Variants in TRIO observed in about 807,000 individuals in gnomAD.
TRIO encodes the protein trio Rho guanine nucleotide exchange factor, also known as triple functional domain protein.
A neutral mutation model predicts 351.9 loss-of-function variants in TRIO; 58 were observed. The observed-to-expected ratio is 0.16, with a 90% CI of 0.13 to 0.21. The LOEUF (loss-of-function observed/expected upper bound fraction) is 0.21. TRIO is among the 10% of genes least tolerant of loss of function. TRIO has a pLI of 1.00. For synonymous variants in TRIO, 1,758 were observed against 1,595.7 expected, an observed-to-expected ratio of 1.10 and a Z score of -2.42; for missense variants, 3,201 against 4,027.8, an observed-to-expected ratio of 0.79 and a Z score of 5.56.
At chr5:14,501,331 C>T (rs371452729) in intron 53 of TRIO, among the ~76,000 whole-genome samples, 5 of 152,328 alleles carry the variant, frequency 3.3e-5, no homozygotes, top group African/African-American at 7.2e-5. Flanking sequence ...CAGAACAAAA[C>T]GTAGCCTTTG....
chr5:14,262,681 G>C (rs1237774314), intron 1 of TRIO, among the ~76,000 whole-genome samples: 3 of 152,100 alleles, frequency 2.0e-5, no homozygotes, highest in Non-Finnish European at 4.4e-5. Flanking sequence ...ACAACTCCTT[G>C]TTTCATGGAG....
rs776330692 is a variant in TRIO, at chr5:14,481,251, C to T, written c.6354C>T (p.Ser2118=). ...CCTTGCAGGACTTCCTCAAGTATTCCAAAAAGGCCAGCCTGGATACATCAG... is the reference window on the plus strand; with the variant it reads ...CCTTGCAGGACTTCCTCAAGTATTCTAAAAAGGCCAGCCTGGATACATCAG... The part of the protein sequence containing the change: ...QLLLKDFLKY[S]KKASLDTSEL... Residue 2118 remains serine (S), a synonymous_variant, in exon 44 of 57, where the codon TCC becomes TCT. Coordinates refer to ENST00000344204, the MANE Select transcript of TRIO (RefSeq NM_007118.4). 3 of 1,613,780 alleles carry T rather than the reference C, an allele frequency of 1.9e-6. No individual in the cohort carries two copies. In the Admixed American group the frequency reaches 5.0e-5, roughly 27 times the overall value.
chr5:14,348,291 C>A (rs1045416996), intron 11 of TRIO, among the ~76,000 whole-genome samples: 10 of 152,220 alleles, frequency 6.6e-5, no homozygotes, highest in African/African-American at 2.4e-4. Flanking sequence ...GTTATAATAT[C>A]CTCGAACAGA....
chr5:14,361,880 G>A (rs1744180472), intron 13 of TRIO, among the ~76,000 whole-genome samples: 1 of 152,218 alleles, frequency 6.6e-6, no homozygotes, highest in Non-Finnish European at 1.5e-5. Context: ...CACTTTGGGA[G>A]GCCAAGGTGG....
At chr5:14,281,431 C>CT (rs1735993116) in intron 3 of TRIO, among the ~76,000 whole-genome samples, 1 of 125,416 alleles carries the variant, frequency 8.0e-6, no homozygotes, top group East Asian at 3.0e-4. Context: ...AGAACCCCCC[C>CT]CCCCCGCCCC....
chr5:14,291,041 G>A lies in TRIO; in HGVS notation c.866G>A (p.Ser289Asn), dbSNP rs761601084. ...AAGCTGCTTCAGAGGATACAGAGCAGTGAAAGCTTTCCCAAAAAGAACTCA... is the reference window on the plus strand; with the variant it reads ...AAGCTGCTTCAGAGGATACAGAGCAATGAAAGCTTTCCCAAAAAGAACTCA... ...GQKLLQRIQSSESFPKKNSGS... is the reference protein window; with the variant it reads ...GQKLLQRIQSNESFPKKNSGS... The change falls in exon 5 of 57, where the codon AGT (serine) becomes AAT (asparagine). Residue 289 changes from serine to asparagine, a missense_variant. This residue lies in a region of TRIO where 349 missense variants were observed against 449.3 expected (regional missense o/e 0.78). Coordinates refer to ENST00000344204, the MANE Select transcript of TRIO (RefSeq NM_007118.4). 1 of 1,614,208 alleles carries A rather than the reference G, an allele frequency of 6.2e-7. No homozygotes were observed. Among genetic ancestry groups the A allele is most frequent in the Non-Finnish European group, 8.5e-7 (1 of 1,180,026 alleles).
In TRIO at chr5:14,229,810, T is replaced by G. The variant is rs1360308671; in HGVS notation, c.158-41015T>G. On this transcript the variant is annotated intron_variant, in intron 1 of 56. Coordinates refer to ENST00000344204, the MANE Select transcript of TRIO (RefSeq NM_007118.4). ...AATGAAAGGAAATATCATTTATAAA[T>G]ACTTATTTAAATGTAGGAATGCTTA... Among the ~76,000 whole-genome samples the G allele has an allele frequency of 6.6e-5, 10 of 152,320 alleles. 1 individual carries two copies. The East Asian group carries it at 1.9e-3, about 29-fold the overall frequency.
At position 14,225,121 on chromosome 5, in the gene TRIO, A is replaced by C. The variant is rs1048519312; in HGVS notation, c.158-45704A>C. On this transcript the variant is annotated intron_variant, in intron 1 of 56. Coordinates refer to ENST00000344204, the MANE Select transcript of TRIO (RefSeq NM_007118.4). ...TAGAGCATAGCCTTCCCTCAAGTTT[A>C]TCTGAATCGTAGAGAATCAGTGTAG... Among the ~76,000 whole-genome samples, 3 of 152,258 alleles carry C rather than the reference A, an allele frequency of 2.0e-5. No homozygotes were observed. In the East Asian group the frequency reaches 5.8e-4, roughly 29 times the overall value.
intron 55 of TRIO, 110 bp from the exon 56 acceptor site, chr5:14,507,012 G>A (rs565278794): frequency 4.3e-6 from 6 of 1,396,192 alleles, no homozygotes; most frequent in African/African-American, 2.9e-5. Context: ...CTGAGATCCC[G>A]ATGACACATT....
chr5:14,260,441 T>G (rs1048741112), intron 1 of TRIO, among the ~76,000 whole-genome samples: 2 of 152,094 alleles, frequency 1.3e-5, no homozygotes, highest in African/African-American at 4.8e-5. Context: ...ATCTCTGGGG[T>G]TTAAGAGAGT....
chr5:14,358,183 G>GAC lies in TRIO; in HGVS notation c.2053_2054dup (p.Trp686ArgfsTer39). 6.2e-7 allele frequency: 1 copy of GAC among 1,612,508 alleles called. No homozygotes were observed. The highest frequency in any genetic ancestry group is 8.5e-7 in the Non-Finnish European group (1 of 1,178,810). On this transcript the variant is annotated frameshift_variant, in exon 12 of 57. Coordinates refer to ENST00000344204, the MANE Select transcript of TRIO (RefSeq NM_007118.4). LOFTEE classifies it high-confidence loss of function. ...CCCCCTCTCCCCTTCCCCAGCTGTG[G>GAC]ACGTGGCTGGAGGAGCTGCAGAAGG...
At chr5:14,409,254 A>T (rs903306511) in intron 33 of TRIO, among the ~76,000 whole-genome samples, 1 of 152,202 alleles carries the variant, frequency 6.6e-6, no homozygotes, top group Non-Finnish European at 1.5e-5. Flanking sequence ...TAGTGAAATT[A>T]GCACGACTTC....
rs756565466 is a variant in TRIO at position 14,290,963 on chromosome 5, TGAA to T, written c.796_798del (p.Lys266del). Reference sequence around the variant, plus strand: ...AATATGATCGAGGAACATTCTCAGCTGAAGAAGAAGGTGATTAAGGCCCCCATC... The same window carrying T: ...AATATGATCGAGGAACATTCTCAGCTGAAGAAGGTGATTAAGGCCCCCATC... On this transcript the variant is annotated inframe_deletion, in exon 5 of 57. Transcript: ENST00000344204. 6.2e-7 allele frequency: 1 copy of T among 1,614,170 alleles called. No homozygotes were observed. The highest frequency in any genetic ancestry group is 1.7e-5 in the Admixed American group (1 of 60,022).
In TRIO at chr5:14,325,417, G is replaced by A. The variant is rs544871973; in HGVS notation, c.1732-5361G>A. ...GAAGGCAAAGGGGAGCCGGAGCTGC[G>A]TGTACAGAACACACGGCGAGAGAGA... On this transcript the variant is annotated intron_variant, in intron 9 of 56. Coordinates refer to ENST00000344204, the MANE Select transcript of TRIO (RefSeq NM_007118.4). 1.5e-4 allele frequency among the ~76,000 whole-genome samples: 23 copies of A among 152,332 alleles called. No individual in the cohort carries two copies. The East Asian group carries it at 3.5e-3, about 23-fold the overall frequency.
At chr5:14,263,324 C>T (rs1404485706) in intron 1 of TRIO, among the ~76,000 whole-genome samples, 1 of 152,020 alleles carries the variant, frequency 6.6e-6, no homozygotes, top group East Asian at 1.9e-4. Context: ...TAGTTTATAT[C>T]ACTTCTCTGT....
intron 12 of TRIO, 37 bp from the exon 13 acceptor site, chr5:14,359,320 T>G: frequency 6.3e-7 from 1 of 1,591,412 alleles, no homozygotes; most frequent in Non-Finnish European, 8.6e-7. Context: ...TGTGTGACTT[T>G]CTCATCCAAT....
chr5:14,444,727 A>C (rs1444522684), intron 34 of TRIO, among the ~76,000 whole-genome samples: 2 of 152,258 alleles, frequency 1.3e-5, no homozygotes, highest in Non-Finnish European at 2.9e-5. Context: ...GTTAAACACG[A>C]AAAAAGAGTG....
chr5:14,312,936 A>G (rs1227996145), intron 8 of TRIO, among the ~76,000 whole-genome samples: 1 of 152,228 alleles, frequency 6.6e-6, no homozygotes. Context: ...AATTACAAAG[A>G]CTAAGACATT....
At chr5:14,147,412 T>G (rs1366802734) in intron 1 of TRIO, among the ~76,000 whole-genome samples, 1 of 152,202 alleles carries the variant, frequency 6.6e-6, no homozygotes, top group Non-Finnish European at 1.5e-5. Flanking sequence ...CTCGTGGCAA[T>G]AAATCATTCT....
Sources: allele counts gnomAD v4.1 joint callset (sites outside exome capture counted in the v4.1 genomes callset), GRCh38; gene constraint gnomAD v4.1.1; regional missense constraint gnomAD v4.1.1; transcripts MANE v1.5; gene names NCBI Gene and HGNC (gene_info 2026-07-23, HGNC 2026-07-21).